Variants in ZFYVE16 observed in about 807,000 individuals in gnomAD.
ZFYVE16 encodes zinc finger FYVE domain-containing protein 16.
Under a neutral mutation model 138.1 loss-of-function variants are expected in ZFYVE16, and 89 were observed. The observed-to-expected ratio is 0.64, with a 90% CI of 0.54 to 0.77. The LOEUF (loss-of-function observed/expected upper bound fraction) is 0.77, where lower values mean the gene tolerates loss of function less well. Ranked by LOEUF, ZFYVE16 falls within the 30% of genes least tolerant of loss-of-function variation. The probability of loss-of-function intolerance (pLI) is 0.00; values close to 1 mark genes in which losing one functional copy is unlikely to be tolerated. For synonymous variants in ZFYVE16, 596 were observed against 618.3 expected, an observed-to-expected ratio of 0.96 and a Z score of 0.53; for missense variants, 1,793 against 1,786.7, an observed-to-expected ratio of 1.00 and a Z score of -0.06.
In ZFYVE16 at chr5:80,436,923, C is replaced by A. The variant is rs1462736292; in HGVS notation, c.238C>A (p.Leu80Met). 2.5e-6 allele frequency: 4 copies of A among 1,613,810 alleles called. No individual in the cohort carries two copies. Among genetic ancestry groups the A allele is most frequent in the Non-Finnish European group, 3.4e-6 (4 of 1,179,992 alleles). ...AAGCTATGGAACAAATGAGAGTTCC[C>A]TGAATGAAAAAACACTCAAGGGACT... ...ETSYGTNESS[L>M]NEKTLKGLTS... Residue 80 changes from leucine (L) to methionine (M), a missense_variant, in exon 4 of 19, where the codon CTG (leucine) becomes ATG (methionine). Physicochemically the swap from Leu to Met is conservative, Grantham distance 15. Coordinates refer to ENST00000505560, the MANE Select transcript of ZFYVE16 (RefSeq NM_001284236.3).
intron 1 of ZFYVE16, chr5:80,411,679 G>C (rs1218123828): frequency 6.6e-6 from 1 of 152,198 alleles, no homozygotes; most frequent in African/African-American, 2.4e-5. Flanking sequence ...TGTGTTGCCA[G>C]TTCCCAAATC....
chr5:80,448,233 C>G lies in ZFYVE16; in HGVS notation c.2932C>G (p.Pro978Ala), dbSNP rs779026961. The G allele has an allele frequency of 5.0e-6, 8 of 1,613,774 alleles. No homozygotes were observed. The highest frequency in any genetic ancestry group is 6.8e-6 in the Non-Finnish European group (8 of 1,179,872). ...TGATGTTTTTGCAGAAACTGAAGAA[C>G]CATCTAGTCCTACTGGTGTCTTAGT... ...DDDVFAETEE[P>A]SSPTGVLVNS... The change falls in exon 8 of 19, where the codon CCA becomes GCA. Residue 978 changes from proline (P) to alanine (A), a missense_variant. Pro to Ala is a conservative substitution (Grantham distance 27). Coordinates refer to ENST00000505560, the MANE Select transcript of ZFYVE16 (RefSeq NM_001284236.3).
At chr5:80,429,345 A>G (rs1748629202) in intron 2 of ZFYVE16, among the ~76,000 whole-genome samples, 1 of 152,226 alleles carries the variant, frequency 6.6e-6, no homozygotes, top group Admixed American at 6.5e-5. Flanking sequence ...ATATCCAGCC[A>G]AACTAAGCTT....
chr5:80,422,434 A>G (rs2112229866), intron 1 of ZFYVE16, among the ~76,000 whole-genome samples: 1 of 152,236 alleles, frequency 6.6e-6, no homozygotes, highest in Non-Finnish European at 1.5e-5. Flanking sequence ...AGTTTTTCTC[A>G]TGAATGTATA....
chr5:80,424,501 G>C (rs1040368992), intron 1 of ZFYVE16, among the ~76,000 whole-genome samples: 3 of 140,750 alleles, frequency 2.1e-5, no homozygotes, highest in African/African-American at 7.8e-5. Context: ...TTGCTCTGTT[G>C]CCCAGGCTGG....
intron 1 of ZFYVE16, among the ~76,000 whole-genome samples, chr5:80,426,646 C>T (rs1748123060): frequency 1.3e-5 from 2 of 152,140 alleles, no homozygotes; most frequent in Non-Finnish European, 1.5e-5. Flanking sequence ...TTTTTATGAC[C>T]ACATAGTATT....
chr5:80,434,419 A>G (rs1367315785), intron 3 of ZFYVE16, among the ~76,000 whole-genome samples: 1 of 152,204 alleles, frequency 6.6e-6, no homozygotes, highest in African/African-American at 2.4e-5. Context: ...GAAGTAAGGA[A>G]CCTAGAAAGT....
At chr5:80,439,037 G>A in intron 4 of ZFYVE16, 30 bp downstream of exon 4, 1 of 1,567,556 alleles carries the variant, frequency 6.4e-7, no homozygotes. Context: ...TAAGTCTTTT[G>A]TTCTTTTGAG....
At chr5:80,425,924 G>A (rs972131726) in intron 1 of ZFYVE16, among the ~76,000 whole-genome samples, 1 of 151,934 alleles carries the variant, frequency 6.6e-6, no homozygotes, top group South Asian at 2.1e-4. Context: ...TATTGCATTC[G>A]GGATTATGAA....
chr5:80,439,883 T>C, intron 4 of ZFYVE16, 53 bp from the exon 5 acceptor site: 3 of 1,476,458 alleles, frequency 2.0e-6, no homozygotes, highest in South Asian at 1.3e-5. Flanking sequence ...CTGCCTCTAG[T>C]AGGTGTAAGT....
intron 6 of ZFYVE16, chr5:80,444,005 T>A: frequency 3.0e-6 from 1 of 329,902 alleles, no homozygotes; most frequent in South Asian, 2.5e-5. Context: ...TTAAATCTAT[T>A]TTTAAATCTT....
At chr5:80,460,127 A>T (rs180754194) in intron 15 of ZFYVE16, among the ~76,000 whole-genome samples, 1 of 152,274 alleles carries the variant, frequency 6.6e-6, no homozygotes, top group Non-Finnish European at 1.5e-5. Flanking sequence ...AAAATTTATG[A>T]TTGGTCTACA....
At chr5:80,442,874 A>C (rs972459259) in intron 5 of ZFYVE16, among the ~76,000 whole-genome samples, 6 of 152,240 alleles carry the variant, frequency 3.9e-5, no homozygotes, top group African/African-American at 1.4e-4. Context: ...CTCTCTGTAG[A>C]TATCAAACAT....
Position 80,478,020 on chromosome 5 carries a change from A to G in ZFYVE16, c.*643A>G, listed in dbSNP as rs531040779. 5 of 152,112 alleles carry G rather than the reference A, an allele frequency of 3.3e-5. No homozygotes were observed. Among genetic ancestry groups the G allele is most frequent in the Admixed American group, 6.5e-5 (1 of 15,282 alleles). The allele number at this position is 152,112 out of a possible 1,614,324, so 9.4% of individuals were successfully genotyped here. ...CACATATATAGTTTTCCCTGATTAA[A>G]TGGATATTAAAATAATTGCGGGTGC... On this transcript the variant is annotated 3_prime_UTR_variant, in exon 19 of 19. Coordinates refer to ENST00000505560, the MANE Select transcript of ZFYVE16 (RefSeq NM_001284236.3).
chr5:80,477,493 T>C lies in ZFYVE16; in HGVS notation c.*116T>C. 2.1e-6 allele frequency: 2 copies of C among 947,098 alleles called. No homozygotes were observed. Among genetic ancestry groups the C allele is most frequent in the Non-Finnish European group, 2.9e-6 (2 of 683,618 alleles). 58.7% of individuals were successfully genotyped at this position (947,098 alleles called of 1,614,324 possible). A position where few individuals can be genotyped will look rare whatever the true frequency, so the allele number is the denominator to read the frequency against. ...AAATATGTCTGATTTTTGAAACACATAAGCTTTGCTCTTTAGGCAGGAATG... is the reference window on the plus strand; with the variant it reads ...AAATATGTCTGATTTTTGAAACACACAAGCTTTGCTCTTTAGGCAGGAATG... On this transcript the variant is annotated 3_prime_UTR_variant, in exon 19 of 19. Coordinates refer to ENST00000505560, the MANE Select transcript of ZFYVE16 (RefSeq NM_001284236.3).
rs73767799 is a variant in ZFYVE16, at chr5:80,468,386, C to A, written c.4025-4375C>A. 9.2e-3 allele frequency among the ~76,000 whole-genome samples: 1,397 copies of A among 152,282 alleles called. 24 individuals carry two copies. The highest frequency in any genetic ancestry group is 0.033 in the African/African-American group (1,363 of 41,536). On this transcript the variant is annotated intron_variant, in intron 15 of 18. Transcript: ENST00000505560. ...ACTTACACAAACCTAAATAGTATAG[C>A]CTAGTGCATACCTAGGCTATATGGT...
intron 5 of ZFYVE16, chr5:80,440,731 A>G: frequency 1.0e-6 from 1 of 971,158 alleles, no homozygotes; most frequent in Non-Finnish European, 1.2e-6. Context: ...GTCCATGTTT[A>G]TTCTTTTGAG....
chr5:80,438,891 G>T lies in ZFYVE16; in HGVS notation c.2206G>T (p.Val736Phe), dbSNP rs867871556. ...VPENTCKEGL[V>F]LGQKQPTWVP... ...TGAAAACACTTGCAAAGAAGGCTTGGTTTTGGGCCAGAAACAGCCTACTTG... is the reference window on the plus strand; with the variant it reads ...TGAAAACACTTGCAAAGAAGGCTTGTTTTTGGGCCAGAAACAGCCTACTTG... The change falls in exon 4 of 19, where the codon GTT (valine) becomes TTT (phenylalanine). Residue 736 changes from valine (V) to phenylalanine (F), a missense_variant. Coordinates refer to ENST00000505560, the MANE Select transcript of ZFYVE16 (RefSeq NM_001284236.3). 1 of 1,614,056 alleles carries T rather than the reference G, an allele frequency of 6.2e-7. No individual in the cohort carries two copies. Among genetic ancestry groups the T allele is most frequent in the Admixed American group, 1.7e-5 (1 of 60,006 alleles).
At chr5:80,473,165 G>A (rs558817850) in intron 16 of ZFYVE16, among the ~76,000 whole-genome samples, 2 of 152,296 alleles carry the variant, frequency 1.3e-5, no homozygotes, top group African/African-American at 4.8e-5. Flanking sequence ...TGACACATCT[G>A]TTGTGTAGCA....
Sources: allele counts gnomAD v4.1 joint callset (sites outside exome capture counted in the v4.1 genomes callset), GRCh38; gene constraint gnomAD v4.1.1; transcripts MANE v1.5; gene names NCBI Gene and HGNC (gene_info 2026-07-23, HGNC 2026-07-21).